Variants in KIAA0232 observed in about 807,000 individuals in gnomAD.
KIAA0232 encodes the protein uncharacterized protein KIAA0232.
Under a neutral mutation model 122.0 loss-of-function variants are expected in KIAA0232, and 27 were observed. That is an observed-to-expected ratio of 0.22 (90% confidence interval 0.16 to 0.31). KIAA0232 has a LOEUF of 0.31. Among genes scored for constraint, KIAA0232 ranks in the 10% least tolerant of loss-of-function variants. The pLI, the probability that KIAA0232 is intolerant of heterozygous loss-of-function variation, is 1.00. For synonymous variants in KIAA0232, 613 were observed against 587.6 expected (o/e 1.04, Z -0.63); for missense variants, 1,551 against 1,634.2 (o/e 0.95, Z 0.88).
Position 6,862,072 on chromosome 4 carries a change from C to T in KIAA0232, c.1690C>T (p.Arg564Cys), listed in dbSNP as rs200418556. ...VLDGMELQGE[R>C]AIWTDSTSSV... ...AGATGGTATGGAGTTGCAAGGGGAA[C>T]GTGCAATATGGACAGATTCTACCAG... The change falls in exon 7 of 10, where the codon CGT becomes TGT. Residue 564 changes from arginine (R) to cysteine (C), a missense_variant. Arg to Cys is a radical substitution (Grantham distance 180). Coordinates refer to ENST00000307659, the MANE Select transcript of KIAA0232 (RefSeq NM_014743.3). 8 of 1,614,130 alleles carry T rather than the reference C, an allele frequency of 5.0e-6. No individual in the cohort carries two copies. Among genetic ancestry groups the T allele is most frequent in the South Asian group, 2.2e-5 (2 of 91,084 alleles).
intron 7 of KIAA0232, among the ~76,000 whole-genome samples, chr4:6,870,550 C>A (rs1223480052): frequency 2.0e-5 from 3 of 152,230 alleles, no homozygotes; most frequent in African/African-American, 7.2e-5. Context: ...CGCCTGTAAT[C>A]CCAGCACTTT....
chr4:6,810,488 C>T (rs746989958), intron 2 of KIAA0232, among the ~76,000 whole-genome samples: 3 of 152,046 alleles, frequency 2.0e-5, no homozygotes, highest in Non-Finnish European at 4.4e-5. Flanking sequence ...AGAATAAAAC[C>T]TAGGGAAAAC....
Position 6,883,169 on chromosome 4 carries a change from T to A in KIAA0232, c.*2203T>A, listed in dbSNP as rs1722165720. 6.6e-6 allele frequency: 1 copy of A among 152,670 alleles called. No individual in the cohort carries two copies. Among genetic ancestry groups the A allele is most frequent in the Non-Finnish European group, 1.5e-5 (1 of 68,036 alleles). 9.5% of individuals were successfully genotyped at this position (152,670 alleles called of 1,614,324 possible). ...GATGATCACAAAGAAAAAGCATTTT[T>A]AAAAAGTTGGCAAACGCTGAAACGC... On this transcript the variant is annotated 3_prime_UTR_variant, in exon 10 of 10. Transcript: ENST00000307659.
In KIAA0232 at chr4:6,861,594, C is replaced by T. The variant is rs377290343; in HGVS notation, c.1212C>T (p.Thr404=). ...TEYKEEPLWY[T]EPIAEYFVPL... The stretch of plus-strand genomic sequence containing the variant: ...ATAAAGAGGAGCCCTTGTGGTACAC[C>T]GAGCCAATTGCTGAATATTTTGTTC... Residue 404 remains threonine (T), a synonymous_variant, in exon 7 of 10, where the codon ACC becomes ACT. Coordinates refer to ENST00000307659, the MANE Select transcript of KIAA0232 (RefSeq NM_014743.3). 17 of 1,613,690 alleles carry T rather than the reference C, an allele frequency of 1.1e-5. No homozygotes were observed. The African/African-American group carries it at 1.2e-4, about 11-fold the overall frequency.
chr4:6,815,785 G>A (rs1308372981), intron 2 of KIAA0232, among the ~76,000 whole-genome samples: 1 of 152,142 alleles, frequency 6.6e-6, no homozygotes, highest in Non-Finnish European at 1.5e-5. Context: ...CATGCAATCA[G>A]ATTTTGGACA....
chr4:6,819,819 C>A (rs114327112), intron 2 of KIAA0232, among the ~76,000 whole-genome samples: 1 of 152,148 alleles, frequency 6.6e-6, no homozygotes, highest in Non-Finnish European at 1.5e-5. Context: ...CGGCACTATT[C>A]ACACTAGCAA....
At chr4:6,878,097 G>C (rs1034060283) in intron 9 of KIAA0232, among the ~76,000 whole-genome samples, 2 of 152,106 alleles carry the variant, frequency 1.3e-5, no homozygotes, top group African/African-American at 4.8e-5. Context: ...TATGTCAGCC[G>C]GGCGCTGTGG....
chr4:6,803,331 T>A (rs1397598072), intron 1 of KIAA0232, among the ~76,000 whole-genome samples: 1 of 151,720 alleles, frequency 6.6e-6, no homozygotes, highest in Admixed American at 6.6e-5. Flanking sequence ...AAGAGAAAGA[T>A]TTGTAGGGGG....
Position 6,842,135 on chromosome 4 carries a change from T to C in KIAA0232, c.300T>C (p.Cys100=). ...AATGGGGAAAGAGTAAGAAAAAATG[T>C]TCAGATCTAACTCTAGAAGAAATGA... The part of the protein sequence containing the change: ...YKKWGKSKKK[C]SDLTLEEMKK... The change falls in exon 4 of 10, where the codon TGT becomes TGC. Residue 100 remains cysteine, a synonymous_variant. Coordinates refer to ENST00000307659, the MANE Select transcript of KIAA0232 (RefSeq NM_014743.3). The C allele has an allele frequency of 6.2e-7, 1 of 1,613,418 alleles. No homozygotes were observed. Among genetic ancestry groups the C allele is most frequent in the Non-Finnish European group, 8.5e-7 (1 of 1,179,774 alleles).
chr4:6,791,684 C>A (rs900319393), intron 1 of KIAA0232, among the ~76,000 whole-genome samples: 2 of 152,112 alleles, frequency 1.3e-5, no homozygotes, highest in Non-Finnish European at 2.9e-5. Context: ...CCCTTCCTAT[C>A]CTGTATTCAT....
Position 6,880,887 on chromosome 4 carries a change from C to G in KIAA0232, c.4109C>G (p.Ser1370Trp), listed in dbSNP as rs767625358. Residue 1370 changes from serine to tryptophan, a missense_variant, in exon 10 of 10, where the codon TCG becomes TGG. Ser to Trp is a radical substitution (Grantham distance 177). Coordinates refer to ENST00000307659, the MANE Select transcript of KIAA0232 (RefSeq NM_014743.3). ...GKMCSSASST[S>W]EETGSEGGGE... is the part of the protein sequence containing the mutation. The stretch of plus-strand genomic sequence containing the variant: ...ATGTGCTCCAGCGCCAGCTCCACCT[C>G]GGAAGAGACAGGCTCAGAAGGCGGA... 1 of 1,607,658 alleles carries G rather than the reference C, an allele frequency of 6.2e-7. No individual in the cohort carries two copies. The highest frequency in any genetic ancestry group is 1.7e-5 in the Admixed American group (1 of 58,900).
At chr4:6,880,121 GGTCTGT>G (rs2108861885) in intron 9 of KIAA0232, among the ~76,000 whole-genome samples, 1 of 26,618 alleles carries the variant, frequency 3.8e-5, no homozygotes, top group Admixed American at 2.5e-4. Flanking sequence ...CCAACACACA[GGTCTGT>G]AGTGTCGCCT....
intron 1 of KIAA0232, among the ~76,000 whole-genome samples, chr4:6,792,158 G>A (rs1716925377): frequency 6.6e-6 from 1 of 152,078 alleles, no homozygotes; most frequent in East Asian, 1.9e-4. Context: ...TATCAGCATT[G>A]CAAAAACAGA....
chr4:6,869,813 A>G (rs896414588), intron 7 of KIAA0232, among the ~76,000 whole-genome samples: 1 of 152,250 alleles, frequency 6.6e-6, no homozygotes, highest in Non-Finnish European at 1.5e-5. Flanking sequence ...TAAAAGCATA[A>G]CAAAATCCTG....
At chr4:6,785,283 A>G (rs1328186713) in intron 1 of KIAA0232, among the ~76,000 whole-genome samples, 1 of 152,218 alleles carries the variant, frequency 6.6e-6, no homozygotes, top group African/African-American at 2.4e-5. Context: ...AGGGTAATGT[A>G]GCTAGCCTAC....
In KIAA0232 at chr4:6,863,270, C is replaced by G. The variant is rs371024458; in HGVS notation, c.2888C>G (p.Ala963Gly). Residue 963 changes from alanine (A) to glycine (G), a missense_variant, in exon 7 of 10, where the codon GCT (alanine) becomes GGT (glycine). This residue lies in a region of KIAA0232 where 1,108 missense variants were observed against 1,154.8 expected (regional missense o/e 0.96). Coordinates refer to ENST00000307659, the MANE Select transcript of KIAA0232 (RefSeq NM_014743.3). The stretch of plus-strand genomic sequence containing the variant: ...AAAGGAAGTCTGTTACAGTGTGCAG[C>G]TTCTGATGTTGTGACGATAGCTGGT... ...HTKGSLLQCA[A>G]SDVVTIAGTD... The G allele has an allele frequency of 6.2e-7, 1 of 1,614,158 alleles. No homozygotes were observed. The highest frequency in any genetic ancestry group is 1.1e-5 in the South Asian group (1 of 91,086).
intron 3 of KIAA0232, among the ~76,000 whole-genome samples, chr4:6,841,495 A>G (rs1466855183): frequency 6.6e-6 from 1 of 152,192 alleles, no homozygotes; most frequent in Non-Finnish European, 1.5e-5. Flanking sequence ...GTGGATTAAT[A>G]CCAGCATTTG....
chr4:6,803,153 G>A (rs757911008), intron 1 of KIAA0232, among the ~76,000 whole-genome samples: 5 of 150,768 alleles, frequency 3.3e-5, no homozygotes, highest in Non-Finnish European at 7.4e-5. Context: ...TGCACCTCCA[G>A]CCTGGATGAC....
chr4:6,828,154 A>G (rs1718788324), intron 3 of KIAA0232, among the ~76,000 whole-genome samples: 1 of 152,184 alleles, frequency 6.6e-6, no homozygotes, highest in African/African-American at 2.4e-5. Context: ...GGCAGAAATC[A>G]TATATTAATC....
Sources: gnomAD v4.1 joint callset for allele counts (sites outside exome capture counted in the v4.1 genomes callset) on GRCh38, gnomAD v4.1.1 for gene constraint, gnomAD v4.1.1 regional missense constraint, MANE v1.5 for transcripts, NCBI Gene and HGNC (gene_info 2026-07-23, HGNC 2026-07-21) for gene names.